The following ZMAT1 variants were observed in gnomAD, a reference collection of about 807,000 sequenced individuals.
The protein encoded by ZMAT1 is zinc finger matrin-type protein 1.
ZMAT1 carries 11 observed loss-of-function variants against 18.5 expected under a neutral mutation model. The observed-to-expected ratio is 0.59, with a 90% confidence interval of 0.37 to 0.98. ZMAT1 has a LOEUF of 0.98. Ranked by LOEUF, ZMAT1 falls within the 50% of genes least tolerant of loss-of-function variation. The probability of loss-of-function intolerance (pLI) is 0.01; values close to 1 mark genes in which losing one functional copy is unlikely to be tolerated. For synonymous variants in ZMAT1, 211 were observed against 176.4 expected (o/e 1.20, Z -1.55); for missense variants, 525 against 496.2 (o/e 1.06, Z -0.55).
At chrX:101,911,761 T>C (rs1416277234) in intron 1 of ZMAT1, 2 of 1,207,967 alleles carry the variant, frequency 1.7e-6, no homozygotes, top group African/African-American at 3.5e-5. Flanking sequence ...GTAACCAGTG[T>C]GGCAGAGCCT....
intron 2 of ZMAT1, among the ~76,000 whole-genome samples, chrX:101,903,801 A>G: frequency 8.9e-6 from 1 of 112,069 alleles, no homozygotes; most frequent in Non-Finnish European, 1.9e-5. Context: ...GTCTAAAAAC[A>G]TGTGGTTCAA....
At chrX:101,886,760 A>C (rs965390551) in intron 4 of ZMAT1, 29 bp from the exon 5 acceptor site, 1 of 1,036,554 alleles carries the variant, frequency 9.6e-7, no homozygotes, top group East Asian at 3.1e-5. Context: ...CAAGTTAAGA[A>C]GGTCAGTATA....
At chrX:101,911,633 G>A (rs956368023) in intron 1 of ZMAT1, 47 of 1,199,872 alleles carry the variant, frequency 3.9e-5, no homozygotes, top group African/African-American at 1.6e-4. Context: ...AAACATTAGC[G>A]AATCCACGCT....
intron 1 of ZMAT1, among the ~76,000 whole-genome samples, chrX:101,926,601 G>C (rs1930072894): frequency 8.9e-6 from 1 of 112,045 alleles, no homozygotes; most frequent in Admixed American, 9.5e-5. Context: ...TCTGAGGAAA[G>C]GAACCAGAAA....
intron 2 of ZMAT1, among the ~76,000 whole-genome samples, chrX:101,901,951 G>A (rs970478454): frequency 3.6e-5 from 4 of 111,733 alleles, no homozygotes; most frequent in Non-Finnish European, 7.5e-5. Flanking sequence ...AAGCATTGCT[G>A]CAATTAACAT....
chrX:101,911,447 T>C (rs367932385), intron 1 of ZMAT1: 1 of 518,625 alleles, frequency 1.9e-6, no homozygotes, highest in Non-Finnish European at 3.1e-6. Context: ...GACTGAATAA[T>C]GAACCAATCA....
chrX:101,891,186 G>A (rs867752138), intron 4 of ZMAT1, among the ~76,000 whole-genome samples: 4 of 111,738 alleles, frequency 3.6e-5, no homozygotes, highest in Non-Finnish European at 7.5e-5. Flanking sequence ...GAAGCAGGGA[G>A]ATTGGTGTAA....
intron 4 of ZMAT1, chrX:101,892,584 A>C (rs937083448): frequency 1.9e-5 from 3 of 160,401 alleles, no homozygotes; most frequent in Admixed American, 9.4e-5. Context: ...TGTAGAGATT[A>C]TTAATTCCGT....
rs777640867 is a variant in ZMAT1, at chrX:101,896,477, G to GA, written c.676+1390dup. The stretch of plus-strand genomic sequence containing the variant: ...CTGTCTATCTTTTGAATGACAGGCA[G>GA]AAAAAATGTATAAAAATTAGAGACT... On this transcript the variant is annotated intron_variant, in intron 4 of 5. Coordinates refer to ENST00000651725, the MANE Select transcript of ZMAT1 (RefSeq NM_001394560.1). Among the ~76,000 whole-genome samples, 6 of 111,768 alleles carry GA rather than the reference G, an allele frequency of 5.4e-5. No individual in the cohort carries two copies. The South Asian group carries it at 1.1e-3, about 21-fold the overall frequency.
intron 1 of ZMAT1, chrX:101,911,795 G>A (rs1211567133): frequency 1.6e-5 from 19 of 1,205,462 alleles, no homozygotes; most frequent in South Asian, 3.5e-5. Context: ...CCGTCTCATC[G>A]AACACCAGAG....
At chrX:101,920,643 G>T (rs1395459652) in intron 1 of ZMAT1, among the ~76,000 whole-genome samples, 2 of 112,055 alleles carry the variant, frequency 1.8e-5, no homozygotes, top group Admixed American at 1.9e-4. Flanking sequence ...TACTTAAACG[G>T]ATTTATCCAA....
At chrX:101,928,084 A>G (rs1930165579) in intron 1 of ZMAT1, among the ~76,000 whole-genome samples, 5 of 112,363 alleles carry the variant, frequency 4.4e-5, no homozygotes, top group Admixed American at 9.4e-5. Flanking sequence ...GTAGTATATA[A>G]AATACTATGA....
At chrX:101,887,599 C>G (rs988781570) in intron 4 of ZMAT1, 7 of 111,315 alleles carry the variant, frequency 6.3e-5, no homozygotes, top group Admixed American at 2.9e-4. Flanking sequence ...GTGACCTAAT[C>G]ATTTCAAAGA....
intron 4 of ZMAT1, among the ~76,000 whole-genome samples, chrX:101,897,268 T>C (rs1927880403): frequency 1.1e-5 from 1 of 93,840 alleles, no homozygotes. Flanking sequence ...ATATTCTCAC[T>C]CATAGGTGGG....
rs1278031810 is a variant in ZMAT1, at chrX:101,883,834, T to C, written c.1764A>G (p.Gln588=). The part of the protein sequence containing the change: ...LSSENNTADH[Q]AGHKRKHQKR... ...TCTGATGTTTCCGTTTATGACCTGC[T>C]TGATGGTCAGCAGTATTGTTTTCTG... Residue 588 remains glutamine, a synonymous_variant, in exon 6 of 6, where the codon CAA becomes CAG. Transcript: ENST00000651725. 1 of 1,210,664 alleles carries C rather than the reference T, an allele frequency of 8.3e-7. No individual in the cohort carries two copies. The highest frequency in any genetic ancestry group is 1.1e-6 in the Non-Finnish European group (1 of 895,006).
At chrX:101,895,734 G>A (rs1603276083) in intron 4 of ZMAT1, 1 of 421,362 alleles carries the variant, frequency 2.4e-6, no homozygotes, top group Non-Finnish European at 3.0e-6. Context: ...AAGCAGGATA[G>A]AGCTTGCAAA....
At chrX:101,912,401 C>T (rs1378952192) in intron 1 of ZMAT1, among the ~76,000 whole-genome samples, 2 of 112,352 alleles carry the variant, frequency 1.8e-5, no homozygotes, top group Admixed American at 9.4e-5. Flanking sequence ...CCAGGGAAAG[C>T]TTTTGTCCAA....
At chrX:101,928,980 G>A (rs775926528) in intron 1 of ZMAT1, among the ~76,000 whole-genome samples, 1 of 110,930 alleles carries the variant, frequency 9.0e-6, no homozygotes, top group South Asian at 3.8e-4. Context: ...TCCCTTTACT[G>A]TGAATTCTGA....
At chrX:101,912,275 C>T (rs1193243141) in intron 1 of ZMAT1, among the ~76,000 whole-genome samples, 2 of 111,946 alleles carry the variant, frequency 1.8e-5, no homozygotes, top group Non-Finnish European at 3.8e-5. Context: ...TCCATCCCTG[C>T]ATCCAAATAG....
Sources: gnomAD v4.1 joint callset for allele counts (sites outside exome capture counted in the v4.1 genomes callset) on GRCh38, gnomAD v4.1.1 for gene constraint, MANE v1.5 for transcripts, NCBI Gene and HGNC (gene_info 2026-07-23, HGNC 2026-07-21) for gene names.